The following ABCA12 variants were observed in gnomAD, a reference collection of about 807,000 sequenced individuals.
ABCA12 encodes glucosylceramide transporter ABCA12.
In ABCA12, 156 loss-of-function variants were observed where a neutral mutation model predicts 293.5. The observed-to-expected ratio is 0.53, with a 90% CI of 0.47 to 0.61. ABCA12 has a LOEUF of 0.61. ABCA12 is among the 20% of genes least tolerant of loss of function. The probability of loss-of-function intolerance (pLI) is 0.00; values close to 1 mark genes in which losing one functional copy is unlikely to be tolerated. For missense variants in ABCA12, 2,797 were observed against 3,090.2 expected (o/e 0.91, Z 2.25); for synonymous variants, 1,063 against 1,108.0 (o/e 0.96, Z 0.81).
At chr2:214,992,880 T>C (rs1389886968) in intron 23 of ABCA12, among the ~76,000 whole-genome samples, 1 of 151,886 alleles carries the variant, frequency 6.6e-6, no homozygotes, top group Non-Finnish European at 1.5e-5. Flanking sequence ...AATAAATAAA[T>C]AAATAAATAA....
chr2:215,070,647 T>C (rs941921666), intron 2 of ABCA12, among the ~76,000 whole-genome samples: 2 of 150,866 alleles, frequency 1.3e-5, no homozygotes, highest in African/African-American at 2.4e-5. Flanking sequence ...TGTTTTTTTG[T>C]CCTTGTGATA....
intron 51 of ABCA12, among the ~76,000 whole-genome samples, chr2:214,936,817 A>G (rs572306242): frequency 1.2e-3 from 176 of 152,258 alleles, no homozygotes; most frequent in African/African-American, 3.8e-3. Context: ...TTTTTTTAAG[A>G]AGAAATGACC....
Position 215,030,402 on chromosome 2 carries a change from G to A in ABCA12, c.1061+1419C>T, listed in dbSNP as rs577348566. Among the ~76,000 whole-genome samples, 268 of 151,570 alleles carry A rather than the reference G, an allele frequency of 1.8e-3. 2 individuals are homozygous for A. The highest frequency in any genetic ancestry group is 0.014 in the Middle Eastern group (4 of 294). On this transcript the variant is annotated intron_variant, in intron 9 of 52. Transcript: ENST00000272895. ...GAGGTCAGGAGACCGAGACCATCCC[G>A]GCTAACATGGTGAAACCCCGTCTCT...
chr2:215,133,885 A>G (rs1181269222), intron 1 of ABCA12, among the ~76,000 whole-genome samples: 1 of 152,164 alleles, frequency 6.6e-6, no homozygotes, highest in African/African-American at 2.4e-5. Context: ...GCAGCAATAG[A>G]GAAGCATCAG....
chr2:214,989,490 C>A, intron 25 of ABCA12, 27 bp from the exon 26 acceptor site: 2 of 1,613,802 alleles, frequency 1.2e-6, no homozygotes, highest in Non-Finnish European at 8.5e-7. Context: ...AGTGTTTATT[C>A]TTCTGTGACA....
At chr2:214,987,585 A>T (rs957053906) in intron 27 of ABCA12, 62 bp downstream of exon 27, 15 of 1,562,820 alleles carry the variant, frequency 9.6e-6, no homozygotes, top group Non-Finnish European at 1.3e-5. Context: ...TGAAACTACT[A>T]GTCATGTAAT....
chr2:214,949,683 CA>C (rs1416199155), intron 45 of ABCA12, among the ~76,000 whole-genome samples: 4 of 152,058 alleles, frequency 2.6e-5, no homozygotes, highest in African/African-American at 9.7e-5. Flanking sequence ...GTGAAAATGG[CA>C]AGAATATAAA....
intron 2 of ABCA12, among the ~76,000 whole-genome samples, chr2:215,100,036 C>G (rs1702324964): frequency 6.8e-6 from 1 of 146,218 alleles, no homozygotes; most frequent in Non-Finnish European, 1.5e-5. Flanking sequence ...TTTTAAGAAA[C>G]AGGGTCTTAC....
intron 2 of ABCA12, among the ~76,000 whole-genome samples, chr2:215,091,111 G>A (rs965785463): frequency 6.6e-6 from 1 of 151,968 alleles, no homozygotes; most frequent in African/African-American, 2.4e-5. Flanking sequence ...TACTCCCAAT[G>A]CACCTCATCC....
chr2:215,123,783 T>G (rs756876728), intron 1 of ABCA12, among the ~76,000 whole-genome samples: 8 of 152,186 alleles, frequency 5.3e-5, no homozygotes, highest in Non-Finnish European at 1.0e-4. Flanking sequence ...TTTTAATTTT[T>G]TTTATAAGTT....
chr2:215,086,808 T>C (rs1702048480), intron 2 of ABCA12, among the ~76,000 whole-genome samples: 1 of 152,164 alleles, frequency 6.6e-6, no homozygotes, highest in Non-Finnish European at 1.5e-5. Flanking sequence ...TGCAAATAAA[T>C]ATTTTCATGT....
chr2:214,972,093 C>T (rs1372932440), intron 36 of ABCA12, among the ~76,000 whole-genome samples: 1 of 152,048 alleles, frequency 6.6e-6, no homozygotes, highest in Non-Finnish European at 1.5e-5. Flanking sequence ...TGTTATTTAT[C>T]TTTTTCTCAT....
At chr2:215,046,394 C>A (rs1018230186) in intron 6 of ABCA12, among the ~76,000 whole-genome samples, 2 of 148,914 alleles carry the variant, frequency 1.3e-5, no homozygotes, top group African/African-American at 2.5e-5. Flanking sequence ...ATACTTATTA[C>A]TAGGTGTTAT....
chr2:215,121,129 G>A (rs888118556), intron 1 of ABCA12, among the ~76,000 whole-genome samples: 1 of 152,144 alleles, frequency 6.6e-6, no homozygotes, highest in Non-Finnish European at 1.5e-5. Context: ...GGGAAGACAG[G>A]ATCTTAAAGT....
chr2:215,134,595 CTCTCTATATATATATATA>C (rs1312641404), intron 1 of ABCA12, among the ~76,000 whole-genome samples: 1 of 81,504 alleles, frequency 1.2e-5, no homozygotes, highest in Non-Finnish European at 2.2e-5. Context: ...CTCTCTCTCT[CTCTCTATATATATATATA>C]TATAGAGAGA....
At chr2:214,989,183 C>CATATATATATATATAT (rs1699853808) in intron 26 of ABCA12, 146 bp downstream of exon 26, 1 of 9,878 alleles carries the variant, frequency 1.0e-4, no homozygotes, top group African/African-American at 1.9e-4. Context: ...CATCTCAATA[C>CATATATATATATATAT]ATACATATAT....
At chr2:215,067,076 A>G (rs1701653568) in intron 2 of ABCA12, among the ~76,000 whole-genome samples, 1 of 152,060 alleles carries the variant, frequency 6.6e-6, no homozygotes, top group African/African-American at 2.4e-5. Flanking sequence ...AAAAAAAATG[A>G]TATTTTTTCC....
intron 44 of ABCA12, among the ~76,000 whole-genome samples, chr2:214,953,144 TAAGTA>T (rs906226281): frequency 1.3e-5 from 2 of 152,234 alleles, no homozygotes; most frequent in African/African-American, 4.8e-5. Context: ...CATTTTTAAA[TAAGTA>T]AATATTAAAG....
intron 23 of ABCA12, among the ~76,000 whole-genome samples, chr2:214,995,901 CAG>C (rs144288891): frequency 2.0e-5 from 3 of 150,932 alleles, no homozygotes; most frequent in Admixed American, 1.3e-4. Context: ...TCTGTTCTGG[CAG>C]AGAGAGAGAG....
Sources: allele counts gnomAD v4.1 joint callset (sites outside exome capture counted in the v4.1 genomes callset), GRCh38; gene constraint gnomAD v4.1.1; transcripts MANE v1.5; gene names NCBI Gene and HGNC (gene_info 2026-07-23, HGNC 2026-07-21).